OSBP2: variants seen among roughly 807,000 people sequenced by gnomAD.
OSBP2 encodes the protein oxysterol-binding protein 2.
Under a neutral mutation model 96.0 loss-of-function variants are expected in OSBP2, and 66 were observed. That is an observed-to-expected ratio of 0.69 (90% confidence interval 0.56 to 0.84). The LOEUF is 0.84. Among genes scored for constraint, OSBP2 ranks in the 40% least tolerant of loss-of-function variants. The probability of loss-of-function intolerance (pLI) is 0.00; values close to 1 mark genes in which losing one functional copy is unlikely to be tolerated. For synonymous variants in OSBP2, 525 were observed against 520.9 expected, an observed-to-expected ratio of 1.01 and a Z score of -0.11; for missense variants, 1,038 against 1,222.7, an observed-to-expected ratio of 0.85 and a Z score of 2.25.
chr22:30,707,189 C>T (rs1429526567), intron 1 of OSBP2, among the ~76,000 whole-genome samples: 4 of 152,030 alleles, frequency 2.6e-5, no homozygotes, highest in African/African-American at 7.2e-5. Flanking sequence ...CTCCGCCTCC[C>T]GTGTTCAAGC....
chr22:30,751,570 G>T (rs1487440537), intron 2 of OSBP2, among the ~76,000 whole-genome samples: 2 of 151,872 alleles, frequency 1.3e-5, no homozygotes, highest in Non-Finnish European at 2.9e-5. Context: ...TGCCAGGCTG[G>T]TCTCCAATTC....
chr22:30,883,930 G>T (rs184070866), intron 3 of OSBP2, among the ~76,000 whole-genome samples: 14 of 152,298 alleles, frequency 9.2e-5, no homozygotes, highest in Non-Finnish European at 1.8e-4. Flanking sequence ...GGACAGGGTT[G>T]TGGGTGAAGC....
chr22:30,816,971 G>C (rs1569135913), intron 2 of OSBP2, among the ~76,000 whole-genome samples: 1 of 152,162 alleles, frequency 6.6e-6, no homozygotes, highest in Non-Finnish European at 1.5e-5. Context: ...CTGACCTCAA[G>C]TGGTCCGGCC....
intron 1 of OSBP2, among the ~76,000 whole-genome samples, chr22:30,726,857 T>C (rs926600362): frequency 4.6e-5 from 7 of 152,200 alleles, no homozygotes; most frequent in African/African-American, 1.7e-4. Context: ...GACAGCCTCA[T>C]CTCCGAAAGT....
intron 2 of OSBP2, among the ~76,000 whole-genome samples, chr22:30,812,610 T>C (rs2091024501): frequency 1.3e-5 from 2 of 152,248 alleles, no homozygotes; most frequent in Non-Finnish European, 2.9e-5. Context: ...ATCTTTTACA[T>C]ATGTGTGAGT....
chr22:30,822,923 G>A (rs1435734582), intron 2 of OSBP2, among the ~76,000 whole-genome samples: 2 of 152,238 alleles, frequency 1.3e-5, no homozygotes, highest in Non-Finnish European at 2.9e-5. Context: ...TTTGGAGAGG[G>A]GGCTGCGGCT....
At chr22:30,889,799 C>A (rs1324948553) in intron 7 of OSBP2, among the ~76,000 whole-genome samples, 163 bp downstream of exon 7, 1 of 152,184 alleles carries the variant, frequency 6.6e-6, no homozygotes, top group Non-Finnish European at 1.5e-5. Flanking sequence ...TGCACATAGG[C>A]ATTGCCCAAT....
chr22:30,861,636 C>T (rs1376050578), intron 2 of OSBP2, among the ~76,000 whole-genome samples: 1 of 152,176 alleles, frequency 6.6e-6, no homozygotes, highest in Non-Finnish European at 1.5e-5. Context: ...AGTCTTCAGC[C>T]GCCTGCCTCT....
intron 1 of OSBP2, among the ~76,000 whole-genome samples, chr22:30,698,519 A>G (rs2089093898): frequency 1.3e-5 from 2 of 151,340 alleles, no homozygotes; most frequent in African/African-American, 4.9e-5. Context: ...GCTCACTGCA[A>G]TCTCTGCCTC....
In OSBP2 at chr22:30,887,333, T is replaced by A. The variant is rs1413088920; in HGVS notation, c.1108-93T>A. On this transcript the variant is annotated intron_variant, in intron 3 of 13. Coordinates refer to ENST00000332585, the MANE Select transcript of OSBP2 (RefSeq NM_030758.4). ...TTTCAGCCTCATCTTACCCAGCTCCTGTTTAAGGTGGAGTTGCTCTGGTTC... is the reference window on the plus strand; with the variant it reads ...TTTCAGCCTCATCTTACCCAGCTCCAGTTTAAGGTGGAGTTGCTCTGGTTC... 30 of 1,047,750 alleles carry A rather than the reference T, an allele frequency of 2.9e-5. No individual in the cohort carries two copies. The Middle Eastern group carries it at 7.3e-4, about 26-fold the overall frequency. The allele number at this position is 1,047,750 out of a possible 1,614,324, so 64.9% of individuals were successfully genotyped here. A position where few individuals can be genotyped will look rare whatever the true frequency, so the allele number is the denominator to read the frequency against.
At chr22:30,842,166 C>G in intron 2 of OSBP2, among the ~76,000 whole-genome samples, 1 of 152,156 alleles carries the variant, frequency 6.6e-6, no homozygotes, top group East Asian at 1.9e-4. Flanking sequence ...AGGCTGGTCT[C>G]GAACTCCTGA....
intron 2 of OSBP2, among the ~76,000 whole-genome samples, chr22:30,797,231 G>A (rs2090777306): frequency 6.6e-6 from 1 of 152,116 alleles, no homozygotes; most frequent in African/African-American, 2.4e-5. Context: ...ACTACATTTT[G>A]TGTCTTCCAT....
At chr22:30,741,557 G>A (rs2089937465) in intron 2 of OSBP2, among the ~76,000 whole-genome samples, 188 bp downstream of exon 2, 1 of 152,176 alleles carries the variant, frequency 6.6e-6, no homozygotes, top group Non-Finnish European at 1.5e-5. Flanking sequence ...ATTCTGTCTG[G>A]CGAGCAGTTC....
intron 2 of OSBP2, among the ~76,000 whole-genome samples, chr22:30,778,750 T>A (rs758393224): frequency 1.1e-4 from 16 of 151,998 alleles, no homozygotes; most frequent in Non-Finnish European, 1.9e-4. Flanking sequence ...TCAAACTGAT[T>A]TATGGCCGGG....
chr22:30,838,903 G>A (rs2038688818), intron 2 of OSBP2, among the ~76,000 whole-genome samples: 1 of 150,806 alleles, frequency 6.6e-6, no homozygotes, highest in Non-Finnish European at 1.5e-5. Context: ...AGTTACATAT[G>A]TATACATGTG....
At chr22:30,756,649 T>A (rs368881201) in intron 2 of OSBP2, among the ~76,000 whole-genome samples, 6 of 152,018 alleles carry the variant, frequency 3.9e-5, no homozygotes, top group African/African-American at 1.2e-4. Context: ...GCAAAGATCA[T>A]GCCGCTGCAC....
chr22:30,848,229 G>T (rs2038910875), intron 2 of OSBP2, among the ~76,000 whole-genome samples: 1 of 152,152 alleles, frequency 6.6e-6, no homozygotes, highest in South Asian at 2.1e-4. Context: ...CTTTTAGGAT[G>T]TTTCATTCTA....
At chr22:30,812,874 A>G (rs915519047) in intron 2 of OSBP2, among the ~76,000 whole-genome samples, 1 of 152,032 alleles carries the variant, frequency 6.6e-6, no homozygotes. Context: ...GTCTACTCTT[A>G]TCTGTTTATT....
chr22:30,776,296 T>C (rs1325864972), intron 2 of OSBP2, among the ~76,000 whole-genome samples: 2 of 151,786 alleles, frequency 1.3e-5, no homozygotes, highest in Non-Finnish European at 2.9e-5. Flanking sequence ...TGGCTAATTT[T>C]TTATTTTTAG....
Sources: allele counts gnomAD v4.1 joint callset (sites outside exome capture counted in the v4.1 genomes callset), GRCh38; gene constraint gnomAD v4.1.1; transcripts MANE v1.5; gene names NCBI Gene and HGNC (gene_info 2026-07-23, HGNC 2026-07-21).